The following PRKAG2 variants were observed in gnomAD, a reference collection of about 807,000 sequenced individuals.
PRKAG2 encodes protein kinase AMP-activated non-catalytic subunit gamma 2.
Under a neutral mutation model 69.6 loss-of-function variants are expected in PRKAG2, and 26 were observed. The ratio of observed to expected loss-of-function variants is 0.37; its 90% CI spans 0.27 to 0.52. The LOEUF (loss-of-function observed/expected upper bound fraction) is 0.52. Among genes scored for constraint, PRKAG2 ranks in the 20% least tolerant of loss-of-function variants. PRKAG2 has a pLI of 0.90. For synonymous variants in PRKAG2, 293 were observed against 285.0 expected (o/e 1.03, Z -0.28); for missense variants, 557 against 740.0 (o/e 0.75, Z 2.87).
chr7:151,569,140 C>A (rs1186754739), intron 10 of PRKAG2, among the ~76,000 whole-genome samples: 1 of 152,096 alleles, frequency 6.6e-6, no homozygotes, highest in Non-Finnish European at 1.5e-5. Flanking sequence ...GCCTTGACCT[C>A]CCGGGCTCAG....
chr7:151,656,935 G>T (rs527705279), intron 4 of PRKAG2, among the ~76,000 whole-genome samples: 108 of 151,928 alleles, frequency 7.1e-4, no homozygotes, highest in African/African-American at 2.3e-3. Flanking sequence ...TCAGGAGTTC[G>T]AGACCAGCCT....
intron 1 of PRKAG2, among the ~76,000 whole-genome samples, chr7:151,792,626 G>A (rs898319393): frequency 2.0e-5 from 3 of 152,196 alleles, no homozygotes; most frequent in Non-Finnish European, 2.9e-5. Context: ...CCAGAAAGAA[G>A]ACAGACAAGA....
At chr7:151,789,639 C>T (rs1401829169) in intron 1 of PRKAG2, among the ~76,000 whole-genome samples, 1 of 152,248 alleles carries the variant, frequency 6.6e-6, no homozygotes, top group Non-Finnish European at 1.5e-5. Flanking sequence ...CCAGTGAGAT[C>T]TCAGATGTGC....
At chr7:151,863,486 C>A (rs909299052) in intron 1 of PRKAG2, among the ~76,000 whole-genome samples, 1 of 152,144 alleles carries the variant, frequency 6.6e-6, no homozygotes, top group Non-Finnish European at 1.5e-5. Flanking sequence ...CCCTTCCCCT[C>A]TGCTCAGTCC....
At chr7:151,832,597 G>GGA (rs1554614846) in intron 1 of PRKAG2, among the ~76,000 whole-genome samples, 1 of 150,818 alleles carries the variant, frequency 6.6e-6, no homozygotes, top group Non-Finnish European at 1.5e-5. Flanking sequence ...GGCATCTCTG[G>GGA]GGGGGGGGTC....
chr7:151,812,800 C>G (rs562758182), intron 1 of PRKAG2, among the ~76,000 whole-genome samples: 4 of 152,256 alleles, frequency 2.6e-5, no homozygotes, highest in Non-Finnish European at 4.4e-5. Flanking sequence ...CTCTTTCCAG[C>G]TGAATCCCTT....
At position 151,726,253 on chromosome 7, in the gene PRKAG2, AC is replaced by A. The variant is rs551052108; in HGVS notation, c.467-50617del. The stretch of plus-strand genomic sequence containing the variant: ...CCTCAACTACCAGGTGAGGCAAAGC[AC>A]CTGCGTGTGCGCAGAGCCGGATGGT... On this transcript the variant is annotated intron_variant, in intron 3 of 15. Transcript: ENST00000287878. Among the ~76,000 whole-genome samples the A allele has an allele frequency of 2.9e-3, 441 of 152,194 alleles. 1 individual carries two copies. The highest frequency in any genetic ancestry group is 0.01 in the African/African-American group (419 of 41,534).
chr7:151,733,458 C>T (rs1230813501), intron 3 of PRKAG2, among the ~76,000 whole-genome samples: 3 of 152,218 alleles, frequency 2.0e-5, no homozygotes, highest in African/African-American at 7.2e-5. Flanking sequence ...CCGTTAAACA[C>T]AAGGCGGGAA....
chr7:151,721,795 C>T (rs965586043), intron 3 of PRKAG2, among the ~76,000 whole-genome samples: 2 of 152,136 alleles, frequency 1.3e-5, no homozygotes, highest in Admixed American at 1.3e-4. Context: ...CTTTCATAGA[C>T]GTTATCTGGC....
Position 151,556,944 on chromosome 7 carries a change from C to T in PRKAG2, c.*257G>A. 1 of 532,494 alleles carries T rather than the reference C, an allele frequency of 1.9e-6. No individual in the cohort carries two copies. Among genetic ancestry groups the T allele is most frequent in the Non-Finnish European group, 3.3e-6 (1 of 300,200 alleles). The allele number at this position is 532,494 out of a possible 1,614,324, so 33.0% of individuals were successfully genotyped here. On this transcript the variant is annotated 3_prime_UTR_variant, in exon 16 of 16. Transcript: ENST00000287878. ...ATGAAAAATAATGAAAACTTCAGGACACAGTGCACTTTAATGACATACAGC... is the reference window on the plus strand; with the variant it reads ...ATGAAAAATAATGAAAACTTCAGGATACAGTGCACTTTAATGACATACAGC...
intron 3 of PRKAG2, among the ~76,000 whole-genome samples, chr7:151,724,769 T>C (rs1797666170): frequency 2.0e-5 from 3 of 149,848 alleles, no homozygotes; most frequent in South Asian, 2.1e-4. Flanking sequence ...TCCCTCCTGC[T>C]AGGGCTCCAA....
intron 4 of PRKAG2, among the ~76,000 whole-genome samples, chr7:151,641,928 C>G (rs920706820): frequency 1.3e-5 from 2 of 150,906 alleles, no homozygotes. Flanking sequence ...CATGCAGTAG[C>G]TCGGTCTGTA....
At chr7:151,626,068 A>G (rs912305423) in intron 5 of PRKAG2, among the ~76,000 whole-genome samples, 6 of 152,320 alleles carry the variant, frequency 3.9e-5, no homozygotes, top group African/African-American at 1.4e-4. Flanking sequence ...GGAAGCAGAG[A>G]AAGTTCTGAG....
At chr7:151,839,045 G>T (rs925505981) in intron 1 of PRKAG2, among the ~76,000 whole-genome samples, 1 of 150,726 alleles carries the variant, frequency 6.6e-6, no homozygotes, top group South Asian at 2.1e-4. Flanking sequence ...AAAAGGGGCA[G>T]CTTCCTCTGA....
At chr7:151,606,327 C>T (rs1261005612) in intron 5 of PRKAG2, among the ~76,000 whole-genome samples, 5 of 152,146 alleles carry the variant, frequency 3.3e-5, no homozygotes, top group Non-Finnish European at 4.4e-5. Context: ...TTTTTAATGT[C>T]GCTTTTCTAC....
intron 5 of PRKAG2, among the ~76,000 whole-genome samples, chr7:151,613,159 G>T (rs556940220): frequency 4.7e-4 from 72 of 152,338 alleles, no homozygotes; most frequent in African/African-American, 1.4e-3. Flanking sequence ...AGTTGGGGTT[G>T]ACGCAGTATC....
chr7:151,686,241 C>T (rs987246295), intron 3 of PRKAG2, among the ~76,000 whole-genome samples: 2 of 152,164 alleles, frequency 1.3e-5, no homozygotes, highest in Admixed American at 6.5e-5. Flanking sequence ...TGTGACGTTC[C>T]CCAGGTGACG....
At chr7:151,657,697 T>C (rs1292081671) in intron 4 of PRKAG2, among the ~76,000 whole-genome samples, 4 of 152,164 alleles carry the variant, frequency 2.6e-5, no homozygotes, top group Admixed American at 2.0e-4. Context: ...CAAGTGGGTT[T>C]GAATCCAAGC....
At chr7:151,751,632 A>C (rs2074698541) in intron 3 of PRKAG2, among the ~76,000 whole-genome samples, 1 of 151,906 alleles carries the variant, frequency 6.6e-6, no homozygotes, top group East Asian at 1.9e-4. Flanking sequence ...CAGACTCCCA[A>C]GTACCTGGGA....
Sources: allele counts gnomAD v4.1 joint callset (sites outside exome capture counted in the v4.1 genomes callset), GRCh38; gene constraint gnomAD v4.1.1; transcripts MANE v1.5; gene names NCBI Gene and HGNC (gene_info 2026-07-23, HGNC 2026-07-21).